The following TP63 variants were observed in gnomAD, a reference collection of about 807,000 sequenced individuals.
TP63 encodes the protein tumor protein p63, also known as tumor protein 63.
A neutral mutation model predicts 82.8 loss-of-function variants in TP63; 17 were observed. The observed-to-expected ratio is 0.21, with a 90% CI of 0.14 to 0.31. TP63 has a LOEUF of 0.31. Ranked by LOEUF, TP63 falls within the 10% of genes least tolerant of loss-of-function variation. The pLI is 1.00. For synonymous variants in TP63, 330 were observed against 321.7 expected, an observed-to-expected ratio of 1.03 and a Z score of -0.28; for missense variants, 648 against 895.3, an observed-to-expected ratio of 0.72 and a Z score of 3.52.
At chr3:189,860,206 T>C (rs1716851869) in intron 4 of TP63, among the ~76,000 whole-genome samples, 1 of 152,070 alleles carries the variant, frequency 6.6e-6, no homozygotes, top group Non-Finnish European at 1.5e-5. Flanking sequence ...TGAGGAGCAA[T>C]TTAGACGTGA....
intron 1 of TP63, among the ~76,000 whole-genome samples, chr3:189,648,031 T>A (rs1040436359): frequency 2.0e-5 from 3 of 147,356 alleles, no homozygotes; most frequent in Non-Finnish European, 4.5e-5. Flanking sequence ...GTAATGTTTT[T>A]TAAAGATATG....
chr3:189,880,720 G>A, intron 10 of TP63: 2 of 985,444 alleles, frequency 2.0e-6, no homozygotes, highest in South Asian at 4.7e-5. Context: ...AAACGAAGGT[G>A]TCAAGTGTAC....
intron 12 of TP63, 85 bp downstream of exon 12, chr3:189,889,569 A>C (rs1189531149): frequency 1.9e-6 from 3 of 1,582,538 alleles, no homozygotes; most frequent in Non-Finnish European, 2.6e-6. Flanking sequence ...TCCATAAAAC[A>C]GTTGGAAGGG....
intron 4 of TP63, among the ~76,000 whole-genome samples, chr3:189,818,536 A>C (rs954342541): frequency 1.3e-5 from 2 of 152,096 alleles, no homozygotes; most frequent in Non-Finnish European, 2.9e-5. Context: ...GATCCATTTC[A>C]TGGGGAATAA....
chr3:189,889,851 CCT>C (rs1190475955), intron 12 of TP63, among the ~76,000 whole-genome samples: 4 of 152,168 alleles, frequency 2.6e-5, no homozygotes, highest in African/African-American at 9.7e-5. Context: ...CGCTCCTTTT[CCT>C]CTCTCTCTAA....
chr3:189,716,255 C>T (rs1250762411), intron 1 of TP63, among the ~76,000 whole-genome samples: 1 of 152,100 alleles, frequency 6.6e-6, no homozygotes, highest in Non-Finnish European at 1.5e-5. Flanking sequence ...GTATAATGTC[C>T]AATTTTATAA....
chr3:189,879,618 A>G (rs184004011), intron 10 of TP63, among the ~76,000 whole-genome samples: 12 of 152,264 alleles, frequency 7.9e-5, no homozygotes, highest in Non-Finnish European at 1.5e-4. Context: ...CAAAAGATTC[A>G]AGTTTCTTCT....
chr3:189,673,891 ATAGAAG>A (rs1421095054), intron 1 of TP63, among the ~76,000 whole-genome samples: 3 of 152,162 alleles, frequency 2.0e-5, no homozygotes, highest in African/African-American at 7.2e-5. Context: ...CCTGAACTTA[ATAGAAG>A]TACAGCAAAT....
intron 1 of TP63, among the ~76,000 whole-genome samples, chr3:189,698,014 T>C (rs894604850): frequency 6.6e-6 from 1 of 152,116 alleles, no homozygotes; most frequent in African/African-American, 2.4e-5. Context: ...AATTTGTGTA[T>C]TTTAATATGA....
chr3:189,761,833 C>T (rs1320475248), intron 3 of TP63, among the ~76,000 whole-genome samples: 14 of 152,182 alleles, frequency 9.2e-5, no homozygotes, highest in Non-Finnish European at 1.6e-4. Context: ...ACAATCATGG[C>T]TGAAGGCAAG....
At chr3:189,738,512 A>G in intron 2 of TP63, 130 bp from the exon 3 acceptor site, 2 of 1,350,706 alleles carry the variant, frequency 1.5e-6, no homozygotes, top group Non-Finnish European at 1.0e-6. Context: ...TCAAACCTAG[A>G]GTTTCTAACT....
At chr3:189,719,107 G>A (rs1004041505) in intron 1 of TP63, among the ~76,000 whole-genome samples, 1 of 152,004 alleles carries the variant, frequency 6.6e-6, no homozygotes, top group African/African-American at 2.4e-5. Flanking sequence ...AAAACTCACA[G>A]ATGCAGACAA....
intron 1 of TP63, among the ~76,000 whole-genome samples, chr3:189,731,830 A>G (rs1720196998): frequency 6.6e-6 from 1 of 152,200 alleles, no homozygotes; most frequent in Non-Finnish European, 1.5e-5. Flanking sequence ...CTATGAGTAA[A>G]TTGATACTGA....
At chr3:189,849,743 G>A (rs1715384809) in intron 4 of TP63, among the ~76,000 whole-genome samples, 1 of 151,916 alleles carries the variant, frequency 6.6e-6, no homozygotes, top group Non-Finnish European at 1.5e-5. Context: ...CTAATAGCCA[G>A]GACAAGGACT....
chr3:189,875,236 G>A (rs747802437), intron 10 of TP63, among the ~76,000 whole-genome samples: 9 of 151,770 alleles, frequency 5.9e-5, no homozygotes, highest in Middle Eastern at 3.2e-3. Context: ...TTCACATGCC[G>A]TGAAATATTA....
At chr3:189,889,590 T>C in intron 12 of TP63, 106 bp downstream of exon 12, 1 of 1,503,870 alleles carries the variant, frequency 6.6e-7, no homozygotes, top group Admixed American at 1.7e-5. Flanking sequence ...AAGACAGCAG[T>C]CCTGTGGTTG....
chr3:189,867,955 T>C lies in TP63; in HGVS notation c.992+13T>C, dbSNP rs1427503019. The C allele has an allele frequency of 6.2e-7, 1 of 1,606,580 alleles. No homozygotes were observed. Among genetic ancestry groups the C allele is most frequent in the Non-Finnish European group, 8.5e-7 (1 of 1,173,928 alleles). ...TGGAAACCAGAGAGTAAGTGGCGTATGTAAAATTGTCATTCTACACAAAAA... is the reference window on the plus strand; with the variant it reads ...TGGAAACCAGAGAGTAAGTGGCGTACGTAAAATTGTCATTCTACACAAAAA... On this transcript the variant is annotated intron_variant, in intron 7 of 13. Transcript: ENST00000264731.
At chr3:189,768,507 A>G (rs1723111099) in intron 3 of TP63, among the ~76,000 whole-genome samples, 1 of 152,136 alleles carries the variant, frequency 6.6e-6, no homozygotes. Flanking sequence ...CCTCCAGATA[A>G]TCATTACTCA....
the TP63 span, among the ~76,000 whole-genome samples, chr3:189,616,638 A>G: frequency 6.6e-6 from 1 of 152,138 alleles, no homozygotes; most frequent in Non-Finnish European, 1.5e-5. Flanking sequence ...CTTGGGCTCA[A>G]TCTGGGCACA....
Sources: allele counts gnomAD v4.1 joint callset (sites outside exome capture counted in the v4.1 genomes callset), GRCh38; gene constraint gnomAD v4.1.1; transcripts MANE v1.5; gene names NCBI Gene and HGNC (gene_info 2026-07-23, HGNC 2026-07-21).